The following VPS41 variants were observed in gnomAD, a reference collection of about 807,000 sequenced individuals.
VPS41 encodes VPS41 subunit of HOPS complex.
Under a neutral mutation model 130.9 loss-of-function variants are expected in VPS41, and 85 were observed. The ratio of observed to expected loss-of-function variants is 0.65; its 90% CI spans 0.55 to 0.78. The LOEUF is 0.78. Among genes scored for constraint, VPS41 ranks in the 30% least tolerant of loss-of-function variants. The probability of loss-of-function intolerance (pLI) is 0.00; values close to 1 mark genes in which losing one functional copy is unlikely to be tolerated. For missense variants in VPS41, 874 were observed against 1,018.7 expected (o/e 0.86, Z 1.93); for synonymous variants, 335 against 332.9 (o/e 1.01, Z -0.07).
intron 25 of VPS41, among the ~76,000 whole-genome samples, chr7:38,738,575 T>C (rs1034479781): frequency 2.6e-5 from 4 of 152,144 alleles, no homozygotes; most frequent in African/African-American, 7.2e-5. Context: ...GTTTTAAAAA[T>C]AGAAAATGTA....
intron 22 of VPS41, 25 bp from the exon 23 acceptor site, chr7:38,745,638 G>A: frequency 3.2e-6 from 5 of 1,571,222 alleles, no homozygotes; most frequent in East Asian, 2.3e-5. Flanking sequence ...GGGTAAAAAT[G>A]TTACTATAGG....
rs187613340 is a variant in VPS41 at position 38,853,190 on chromosome 7, T to G, written c.246+9355A>C. On this transcript the variant is annotated intron_variant, in intron 4 of 28. Transcript: ENST00000310301. Reference sequence around the variant, plus strand: ...ATCCCAGCACTTTGGGAAGCCGAGGTGGGCGGATCACAAGATCAGGAGATC... The same window carrying G: ...ATCCCAGCACTTTGGGAAGCCGAGGGGGGCGGATCACAAGATCAGGAGATC... 1.8e-3 allele frequency among the ~76,000 whole-genome samples: 269 copies of G among 152,086 alleles called. 1 individual carries two copies. Among genetic ancestry groups the G allele is most frequent in the Non-Finnish European group, 3.0e-3 (206 of 67,968 alleles).
At position 38,728,605 on chromosome 7, in the gene VPS41, A is replaced by G. The variant is rs1447928255; in HGVS notation, c.2360-19T>C. 15 of 1,614,020 alleles carry G rather than the reference A, an allele frequency of 9.3e-6. No individual in the cohort carries two copies. The Admixed American group carries it at 2.3e-4, about 25-fold the overall frequency. ...TTCTCCTCTGTAAGAAAACACACAT[A>G]CTTTGGATTATGCCCTGTTTATACC... On this transcript the variant is annotated intron_variant, in intron 26 of 28. Transcript: ENST00000310301.
intron 16 of VPS41, among the ~76,000 whole-genome samples, chr7:38,764,634 CAAG>C (rs1360437597): frequency 6.6e-6 from 1 of 151,860 alleles, no homozygotes; most frequent in African/African-American, 2.4e-5. Context: ...AAAAAAATGA[CAAG>C]AAGTGGAGAT....
intron 8 of VPS41, 196 bp downstream of exon 8, chr7:38,796,549 T>C (rs1039759587): frequency 1.3e-6 from 1 of 760,204 alleles, no homozygotes; most frequent in Admixed American, 2.0e-5. Flanking sequence ...CCAGAATATG[T>C]TGGGAATTAC....
At chr7:38,765,534 T>C (rs945200730) in intron 16 of VPS41, 46 bp downstream of exon 16, 17 of 1,264,066 alleles carry the variant, frequency 1.3e-5, no homozygotes, top group Admixed American at 2.1e-5. Context: ...GCAATATTAA[T>C]ATACTACTTG....
intron 2 of VPS41, among the ~76,000 whole-genome samples, chr7:38,878,761 CA>C (rs1487766913): frequency 6.6e-6 from 1 of 152,136 alleles, no homozygotes; most frequent in Non-Finnish European, 1.5e-5. Context: ...TCAGTAAATA[CA>C]AAGGTTTCTT....
intron 25 of VPS41, among the ~76,000 whole-genome samples, chr7:38,732,366 A>G (rs887925874): frequency 6.6e-6 from 1 of 152,212 alleles, no homozygotes; most frequent in African/African-American, 2.4e-5. Context: ...AGTAAATGAC[A>G]AACAGTTTTC....
intron 4 of VPS41, among the ~76,000 whole-genome samples, chr7:38,837,853 T>C (rs1785528704): frequency 6.6e-6 from 1 of 152,236 alleles, no homozygotes; most frequent in Non-Finnish European, 1.5e-5. Context: ...TATGCTTTAC[T>C]AGATTTCTAC....
intron 8 of VPS41, among the ~76,000 whole-genome samples, chr7:38,795,892 T>C (rs972391113): frequency 6.6e-6 from 1 of 152,232 alleles, no homozygotes; most frequent in Non-Finnish European, 1.5e-5. Context: ...AATAGCTGCA[T>C]TTCCAAACTG....
At chr7:38,793,829 A>G (rs1183035435) in intron 9 of VPS41, among the ~76,000 whole-genome samples, 1 of 151,974 alleles carries the variant, frequency 6.6e-6, no homozygotes, top group Non-Finnish European at 1.5e-5. Flanking sequence ...CCTCTCTTCC[A>G]TGTTAGCATC....
intron 16 of VPS41, 45 bp downstream of exon 16, chr7:38,765,535 A>C (rs1784022848): frequency 7.8e-7 from 1 of 1,273,898 alleles, no homozygotes; most frequent in Non-Finnish European, 1.1e-6. Flanking sequence ...CAATATTAAT[A>C]TACTACTTGC....
At chr7:38,755,217 GC>G (rs60849161) in intron 19 of VPS41, among the ~76,000 whole-genome samples, 34,344 of 152,020 alleles carry the variant, frequency 0.23, 4,427 homozygotes, top group East Asian at 0.43. Flanking sequence ...CCATATCCTA[GC>G]CCCCCGCCCT....
rs115842789 is a variant in VPS41 at position 38,767,850 on chromosome 7, T to C, written c.1186-252A>G. The stretch of plus-strand genomic sequence containing the variant: ...AAAAAAGTAAATAATGTTAGTATTT[T>C]AAAGGCTCCTAATCTGCCCCCTTTA... On this transcript the variant is annotated intron_variant, in intron 14 of 28. Coordinates refer to ENST00000310301, the MANE Select transcript of VPS41 (RefSeq NM_014396.4). 1.0e-3 allele frequency among the ~76,000 whole-genome samples: 152 copies of C among 152,282 alleles called. 1 individual carries two copies. Among genetic ancestry groups the C allele is most frequent in the Admixed American group, 2.6e-3 (40 of 15,288 alleles).
intron 2 of VPS41, among the ~76,000 whole-genome samples, chr7:38,890,514 C>T (rs564949212): frequency 6.6e-6 from 1 of 152,252 alleles, no homozygotes; most frequent in South Asian, 2.1e-4. Flanking sequence ...ACTAAGTACA[C>T]ACAAACTCAT....
At chr7:38,900,541 TAA>T (rs1266467880) in intron 1 of VPS41, among the ~76,000 whole-genome samples, 1 of 152,076 alleles carries the variant, frequency 6.6e-6, no homozygotes, top group Admixed American at 6.5e-5. Flanking sequence ...GTATGTAAAT[TAA>T]AAAAGAAAAA....
intron 23 of VPS41, 130 bp downstream of exon 23, chr7:38,745,429 T>G (rs1332198021): frequency 4.1e-6 from 3 of 731,256 alleles, no homozygotes; most frequent in Non-Finnish European, 7.1e-6. Flanking sequence ...ATATATTAAA[T>G]TATTGTAAAA....
At chr7:38,842,470 GTGTCTATCAC>G (rs1320452991) in intron 4 of VPS41, among the ~76,000 whole-genome samples, 2 of 152,134 alleles carry the variant, frequency 1.3e-5, no homozygotes, top group Admixed American at 1.3e-4. Flanking sequence ...GTTTGCCCTT[GTGTCTATCAC>G]TGCTGTCCAG....
chr7:38,741,947 T>A (rs1385288742), intron 25 of VPS41, 38 bp downstream of exon 25: 1 of 1,610,002 alleles, frequency 6.2e-7, no homozygotes, highest in African/African-American at 1.3e-5. Flanking sequence ...CTAAGTCAAC[T>A]AATTCAGATG....
Sources: allele counts gnomAD v4.1 joint callset (sites outside exome capture counted in the v4.1 genomes callset), GRCh38; gene constraint gnomAD v4.1.1; transcripts MANE v1.5; gene names NCBI Gene and HGNC (gene_info 2026-07-23, HGNC 2026-07-21).